CA10: variants seen among roughly 807,000 people sequenced by gnomAD.
CA10 encodes carbonic anhydrase 10 (inactive), also known as carbonic anhydrase-related protein 10.
CA10 carries 14 observed loss-of-function variants against 44.2 expected under a neutral mutation model. The observed-to-expected ratio is 0.32, with a 90% confidence interval of 0.21 to 0.50. The LOEUF (loss-of-function observed/expected upper bound fraction) is 0.50. Ranked by LOEUF, CA10 falls within the 20% of genes least tolerant of loss-of-function variation. CA10 has a pLI of 0.99. For synonymous variants in CA10, 159 were observed against 141.6 expected (o/e 1.12, Z -0.87); for missense variants, 350 against 409.7 (o/e 0.85, Z 1.26).
chr17:52,119,367 C>T (rs775809539), intron 1 of CA10, among the ~76,000 whole-genome samples: 15 of 152,148 alleles, frequency 9.9e-5, no homozygotes, highest in Non-Finnish European at 1.9e-4. Context: ...GTATGCATCC[C>T]GTTAAGGAAT....
chr17:51,814,519 C>CGGTAA (rs1907493819), intron 3 of CA10, among the ~76,000 whole-genome samples: 1 of 152,144 alleles, frequency 6.6e-6, no homozygotes, highest in Non-Finnish European at 1.5e-5. Context: ...GTAAGTCCTG[C>CGGTAA]GGTAAGGAAA....
At chr17:51,863,966 G>C (rs1053506817) in intron 3 of CA10, among the ~76,000 whole-genome samples, 9 of 152,094 alleles carry the variant, frequency 5.9e-5, no homozygotes, top group Non-Finnish European at 2.9e-5. Flanking sequence ...TGATTCACTG[G>C]CCATCAATAA....
intron 3 of CA10, among the ~76,000 whole-genome samples, chr17:51,900,749 T>C (rs992339510): frequency 1.3e-5 from 2 of 152,166 alleles, no homozygotes; most frequent in Non-Finnish European, 2.9e-5. Context: ...TAAGTTATTT[T>C]GGAAAAGCAG....
At chr17:51,970,041 G>A (rs1300305076) in intron 2 of CA10, among the ~76,000 whole-genome samples, 3 of 151,840 alleles carry the variant, frequency 2.0e-5, no homozygotes, top group African/African-American at 7.3e-5. Flanking sequence ...CTCAAGGAGT[G>A]GAAAGGGGAA....
chr17:51,830,674 T>C (rs1908204976), intron 3 of CA10, among the ~76,000 whole-genome samples: 1 of 152,186 alleles, frequency 6.6e-6, no homozygotes, highest in Non-Finnish European at 1.5e-5. Flanking sequence ...GAGGCCAACA[T>C]GCAGCCTCTC....
intron 3 of CA10, among the ~76,000 whole-genome samples, chr17:51,859,388 G>T (rs1197845929): frequency 6.6e-6 from 1 of 152,134 alleles, no homozygotes; most frequent in Non-Finnish European, 1.5e-5. Context: ...TCCCAAACTA[G>T]TATGTTAATG....
At chr17:51,886,815 T>G (rs60580801) in intron 3 of CA10, among the ~76,000 whole-genome samples, 3,033 of 152,282 alleles carry the variant, frequency 0.02, 77 homozygotes, top group African/African-American at 0.069. Flanking sequence ...GTTCTCTGTT[T>G]GAGCTTGGAT....
At chr17:51,653,880 G>C in intron 4 of CA10, 144 bp from the exon 5 acceptor site, 1 of 640,386 alleles carries the variant, frequency 1.6e-6, no homozygotes, top group Non-Finnish European at 2.8e-6. Context: ...GGATTTCAGA[G>C]GGATGTGTGT....
intron 6 of CA10, among the ~76,000 whole-genome samples, chr17:51,642,988 T>C (rs780063766): frequency 6.6e-6 from 1 of 152,160 alleles, no homozygotes; most frequent in African/African-American, 2.4e-5. Flanking sequence ...TGGATTCTTA[T>C]TGGACTAAAT....
intron 4 of CA10, among the ~76,000 whole-genome samples, chr17:51,657,008 C>T (rs181176119): frequency 2.8e-4 from 43 of 152,242 alleles, no homozygotes; most frequent in Non-Finnish European, 8.8e-5. Flanking sequence ...AGATAATCAG[C>T]ATGGACTGTA....
intron 2 of CA10, among the ~76,000 whole-genome samples, chr17:52,018,322 A>G (rs1421055065): frequency 1.3e-5 from 2 of 152,126 alleles, no homozygotes; most frequent in Non-Finnish European, 2.9e-5. Flanking sequence ...CACAGGCAAT[A>G]GACTCCAACC....
chr17:51,784,473 T>C (rs941855075), intron 3 of CA10, among the ~76,000 whole-genome samples: 1 of 152,210 alleles, frequency 6.6e-6, no homozygotes, highest in African/African-American at 2.4e-5. Flanking sequence ...TCTGTCTGAA[T>C]GGATTTTTTA....
chr17:52,073,063 C>T (rs1357021622), intron 1 of CA10, among the ~76,000 whole-genome samples: 1 of 152,148 alleles, frequency 6.6e-6, no homozygotes, highest in East Asian at 1.9e-4. Flanking sequence ...TACACATGCA[C>T]ACAAACCCCA....
At chr17:52,058,201 A>C (rs1487896871) in intron 2 of CA10, among the ~76,000 whole-genome samples, 1 of 152,160 alleles carries the variant, frequency 6.6e-6, no homozygotes, top group East Asian at 1.9e-4. Context: ...GGAACTCAGA[A>C]GGATCAGGAA....
intron 4 of CA10, among the ~76,000 whole-genome samples, chr17:51,738,012 G>A (rs1916970208): frequency 6.6e-6 from 1 of 152,134 alleles, no homozygotes; most frequent in Admixed American, 6.5e-5. Flanking sequence ...TTCTGAATAT[G>A]AGCATGGCAC....
chr17:51,765,142 T>G (rs1905325519), intron 3 of CA10, among the ~76,000 whole-genome samples: 2 of 152,070 alleles, frequency 1.3e-5, no homozygotes, highest in South Asian at 4.2e-4. Context: ...CAAAATCATT[T>G]TGGGGTTGGG....
chr17:52,017,480 T>A (rs536493597), intron 2 of CA10, among the ~76,000 whole-genome samples: 3 of 152,250 alleles, frequency 2.0e-5, no homozygotes, highest in Admixed American at 1.3e-4. Context: ...TGTGTCCATG[T>A]CCTAGGGATC....
intron 3 of CA10, among the ~76,000 whole-genome samples, chr17:51,922,094 T>C (rs976225040): frequency 1.3e-5 from 2 of 152,212 alleles, no homozygotes; most frequent in Non-Finnish European, 2.9e-5. Context: ...TGCCAGTCAT[T>C]GGCTTGATAA....
chr17:51,649,985 T>TCAGC (rs4058506), intron 5 of CA10, among the ~76,000 whole-genome samples: 3 of 150,626 alleles, frequency 2.0e-5, no homozygotes, highest in Non-Finnish European at 3.0e-5. Flanking sequence ...AGCCAGCCAG[T>TCAGC]CAGCCAGCCA....
Sources: gnomAD v4.1 joint callset for allele counts (sites outside exome capture counted in the v4.1 genomes callset) on GRCh38, gnomAD v4.1.1 for gene constraint, MANE v1.5 for transcripts, NCBI Gene and HGNC (gene_info 2026-07-23, HGNC 2026-07-21) for gene names.